The following PPIE variants were observed in gnomAD, a reference collection of about 807,000 sequenced individuals.
The protein encoded by PPIE is peptidyl-prolyl cis-trans isomerase E.
A neutral mutation model predicts 38.4 loss-of-function variants in PPIE; 20 were observed. The ratio of observed to expected loss-of-function variants is 0.52; its 90% CI spans 0.37 to 0.76. PPIE has a LOEUF of 0.76. PPIE is among the 30% of genes least tolerant of loss of function. The pLI, the probability that PPIE is intolerant of heterozygous loss-of-function variation, is 0.00. For synonymous variants in PPIE, 142 were observed against 135.7 expected (o/e 1.05, Z -0.32); for missense variants, 322 against 385.8 (o/e 0.83, Z 1.39).
rs911326443 is a variant in PPIE at position 39,755,284 on chromosome 1, G to A, written c.*1929G>A. 2 of 985,480 alleles carry A rather than the reference G, an allele frequency of 2.0e-6. No homozygotes were observed. Among genetic ancestry groups the A allele is most frequent in the Non-Finnish European group, 2.4e-6 (2 of 829,940 alleles). 61.0% of individuals were successfully genotyped at this position (985,480 alleles called of 1,614,324 possible). ...GGATTGAGATCTGGATGAGCCAGGA[G>A]GCAGGAGAGGCTAGGTGGTCCTCAT... On this transcript the variant is annotated 3_prime_UTR_variant, in exon 10 of 10. Coordinates refer to ENST00000324379, the MANE Select transcript of PPIE (RefSeq NM_006112.4).
rs764245200 is a variant in PPIE at position 39,749,014 on chromosome 1, A to G, written c.620A>G (p.Asn207Ser). The change falls in exon 8 of 10, where the codon AAT (asparagine) becomes AGT (serine). Residue 207 changes from asparagine (N) to serine (S), a missense_variant. Transcript: ENST00000324379. ...MCQGGDFTNH[N>S]GTGGKSIYGK... is the part of the protein sequence containing the mutation. Reference sequence around the variant, plus strand: ...CAGGGCGGTGATTTCACAAACCACAATGGCACTGGGGGCAAGTCCATCTAT... The same window carrying G: ...CAGGGCGGTGATTTCACAAACCACAGTGGCACTGGGGGCAAGTCCATCTAT... 23 of 1,612,446 alleles carry G rather than the reference A, an allele frequency of 1.4e-5. No homozygotes were observed. Among genetic ancestry groups the G allele is most frequent in the Middle Eastern group, 1.6e-4 (1 of 6,078 alleles).
rs781344514 is a variant in PPIE at position 39,752,976 on chromosome 1, A to G, written c.761A>G (p.Lys254Arg). The change falls in exon 9 of 10, where the codon AAG (lysine) becomes AGG (arginine). Residue 254 changes from lysine (K) to arginine (R), a missense_variant. Transcript: ENST00000324379. ...NGSQFFLTCD[K>R]TDWLDGKHVV... Reference sequence around the variant, plus strand: ...TCTCAGTTCTTCCTGACATGTGACAAGACAGACTGGCTGGATGGCAAGCAT... The same window carrying G: ...TCTCAGTTCTTCCTGACATGTGACAGGACAGACTGGCTGGATGGCAAGCAT... 2.5e-6 allele frequency: 4 copies of G among 1,614,114 alleles called. No homozygotes were observed. Among genetic ancestry groups the G allele is most frequent in the Non-Finnish European group, 3.4e-6 (4 of 1,180,036 alleles).
intron 8 of PPIE, among the ~76,000 whole-genome samples, chr1:39,749,524 C>CTTGA (rs1647482269): frequency 6.6e-6 from 1 of 152,166 alleles, no homozygotes; most frequent in South Asian, 2.1e-4. Context: ...GATTTCCCTA[C>CTTGA]TTGATGCTCA....
In PPIE at chr1:39,745,262, C is replaced by G. The variant is rs373747974; in HGVS notation, c.385-113C>G. ...GGGCCCAAGGCCTTCCCCGTCAGCA[C>G]TTGCTCCAGCCTACGCACTGGAGTT... On this transcript the variant is annotated intron_variant, in intron 6 of 9. Coordinates refer to ENST00000324379, the MANE Select transcript of PPIE (RefSeq NM_006112.4). 3.0e-5 allele frequency: 43 copies of G among 1,434,474 alleles called. No homozygotes were observed. In the East Asian group the frequency reaches 3.2e-4, roughly 11 times the overall value. 88.9% of individuals were successfully genotyped at this position (1,434,474 alleles called of 1,614,324 possible). A position where few individuals can be genotyped will look rare whatever the true frequency, so the allele number is the denominator to read the frequency against.
chr1:39,748,540 C>G (rs753784562), intron 7 of PPIE: 11 of 221,182 alleles, frequency 5.0e-5, no homozygotes, highest in Admixed American at 1.1e-4. Flanking sequence ...AGTTCTAGAC[C>G]AGCTTGGCCA....
At chr1:39,759,782 A>G (rs1648692511), downstream of PPIE, 1 of 152,342 alleles carries the variant, frequency 6.6e-6, no homozygotes, top group Non-Finnish European at 1.5e-5. Flanking sequence ...CAGGAAGACA[A>G]GGGAAGATAA....
chr1:39,748,076 C>T (rs1028815325), intron 7 of PPIE: 6 of 152,088 alleles, frequency 3.9e-5, no homozygotes, highest in East Asian at 3.9e-4. Flanking sequence ...GGGATTACAC[C>T]GTGCCTGGCC....
At chr1:39,739,691 C>T (rs1411423837) in intron 1 of PPIE, among the ~76,000 whole-genome samples, 1 of 152,064 alleles carries the variant, frequency 6.6e-6, no homozygotes, top group Non-Finnish European at 1.5e-5. Context: ...AAGGGAGTCG[C>T]AAAGGTGTGA....
rs1317332297 is a variant in PPIE, at chr1:39,755,786, G to A, written c.*2431G>A. ...GGACTCCTCTCCCAGTGTTCCTCCT[G>A]GGTGTTCACAGATGTTATTGAATGC... On this transcript the variant is annotated 3_prime_UTR_variant, in exon 10 of 10. Coordinates refer to ENST00000324379, the MANE Select transcript of PPIE (RefSeq NM_006112.4). 1.0e-6 allele frequency: 1 copy of A among 985,194 alleles called. No homozygotes were observed. The highest frequency in any genetic ancestry group is 1.7e-5 in the African/African-American group (1 of 57,188). 61.0% of individuals were successfully genotyped at this position (985,194 alleles called of 1,614,324 possible).
Position 39,755,527 on chromosome 1 carries a change from A to G in PPIE, c.*2172A>G, listed in dbSNP as rs1648173973. On this transcript the variant is annotated 3_prime_UTR_variant, in exon 10 of 10. Coordinates refer to ENST00000324379, the MANE Select transcript of PPIE (RefSeq NM_006112.4). ...CCTTCTCTGAGTGCAAATAATGGCC[A>G]TCAGAGGTCAGTCACAGGTGTTAGG... 3.0e-6 allele frequency: 3 copies of G among 985,412 alleles called. No individual in the cohort carries two copies. Among genetic ancestry groups the G allele is most frequent in the Non-Finnish European group, 3.6e-6 (3 of 829,916 alleles). 61.0% of individuals were successfully genotyped at this position (985,412 alleles called of 1,614,324 possible).
chr1:39,739,444 A>G (rs1178033880), intron 1 of PPIE, among the ~76,000 whole-genome samples: 3 of 136,986 alleles, frequency 2.2e-5, no homozygotes, highest in Non-Finnish European at 5.0e-5. Context: ...GCTCAGCCCC[A>G]GCCCCTGCCA....
At chr1:39,740,073 C>A in intron 1 of PPIE, 92 bp from the exon 2 acceptor site, 1 of 911,228 alleles carries the variant, frequency 1.1e-6, no homozygotes, top group Non-Finnish European at 1.8e-6. Flanking sequence ...ATGGAAGGGT[C>A]CTGTCCCCTG....
At chr1:39,745,185 G>A (rs1647162316) in intron 6 of PPIE, among the ~76,000 whole-genome samples, 190 bp from the exon 7 acceptor site, 1 of 152,214 alleles carries the variant, frequency 6.6e-6, no homozygotes, top group African/African-American at 2.4e-5. Flanking sequence ...CCTGTCGCTG[G>A]GCATCCAGCT....
intron 9 of PPIE, chr1:39,762,360 CT>C: frequency 9.9e-7 from 1 of 1,008,486 alleles, no homozygotes; most frequent in Admixed American, 3.2e-5. Context: ...GTTGAACCTC[CT>C]AAGGGGAAAA....
rs1557458614 is a variant in PPIE at position 39,753,726 on chromosome 1, A to C, written c.*371A>C. The stretch of plus-strand genomic sequence containing the variant: ...ATTGCTCTTCCTGCTAGTTCTTGGG[A>C]GTTGTCAGAGATTGTGTCTGTGGCT... On this transcript the variant is annotated 3_prime_UTR_variant, in exon 10 of 10. Coordinates refer to ENST00000324379, the MANE Select transcript of PPIE (RefSeq NM_006112.4). 1.3e-5 allele frequency: 13 copies of C among 1,033,984 alleles called. No individual in the cohort carries two copies. Among genetic ancestry groups the C allele is most frequent in the Non-Finnish European group, 1.5e-5 (13 of 860,746 alleles). The allele number at this position is 1,033,984 out of a possible 1,614,324, so 64.1% of individuals were successfully genotyped here.
Position 39,755,280 on chromosome 1 carries a change from A to C in PPIE, c.*1925A>C. The C allele has an allele frequency of 1.0e-6, 1 of 985,500 alleles. No homozygotes were observed. The highest frequency in any genetic ancestry group is 1.2e-6 in the Non-Finnish European group (1 of 829,944). 61.0% of individuals were successfully genotyped at this position (985,500 alleles called of 1,614,324 possible). ...TCTTGGATTGAGATCTGGATGAGCC[A>C]GGAGGCAGGAGAGGCTAGGTGGTCC... On this transcript the variant is annotated 3_prime_UTR_variant, in exon 10 of 10. Transcript: ENST00000324379.
At chr1:39,763,894 T>G (rs1649392569) in exon 10 of PPIE, 22 of 1,295,434 alleles carry the variant, frequency 1.7e-5, no homozygotes, top group Non-Finnish European at 2.4e-5. Flanking sequence ...ATTTGTCAAA[T>G]AAATGAATGA....
At chr1:39,741,166 C>G (rs1265638371) in intron 2 of PPIE, among the ~76,000 whole-genome samples, 200 bp from the exon 3 acceptor site, 1 of 151,830 alleles carries the variant, frequency 6.6e-6, no homozygotes, top group African/African-American at 2.4e-5. Flanking sequence ...TCAGCTATGT[C>G]CATTAAAAAA....
chr1:39,748,569 T>G (rs1359767375), intron 7 of PPIE: 1 of 239,980 alleles, frequency 4.2e-6, no homozygotes, highest in Non-Finnish European at 8.2e-6. Context: ...AAACCCCATC[T>G]CTACTAAAAA....
Sources: allele counts gnomAD v4.1 joint callset (sites outside exome capture counted in the v4.1 genomes callset), GRCh38; gene constraint gnomAD v4.1.1; transcripts MANE v1.5; gene names NCBI Gene and HGNC (gene_info 2026-07-23, HGNC 2026-07-21).